SAMD13: variants seen among roughly 807,000 people sequenced by gnomAD.
SAMD13 encodes the protein sterile alpha motif domain containing 13.
A neutral mutation model predicts 12.4 loss-of-function variants in SAMD13; 9 were observed. The observed-to-expected ratio is 0.72, with a 90% CI of 0.44 to 1.26. The LOEUF (loss-of-function observed/expected upper bound fraction) is 1.26, where lower values mean the gene tolerates loss of function less well. SAMD13 is among the 50% of genes most tolerant of loss of function. SAMD13 has a pLI of 0.00. For missense variants in SAMD13, 84 were observed against 119.6 expected (o/e 0.70, Z 1.39); for synonymous variants, 46 against 45.4 (o/e 1.01, Z -0.05).
intron 3 of SAMD13, among the ~76,000 whole-genome samples, chr1:84,332,061 T>A (rs1158212313): frequency 6.6e-6 from 1 of 152,168 alleles, no homozygotes; most frequent in East Asian, 1.9e-4. Flanking sequence ...CAGGACATGA[T>A]CTTATTCTTT....
At chr1:84,299,673 A>ATTTATT (rs1553199283), upstream of SAMD13, 5 of 900,570 alleles carry the variant, frequency 5.6e-6, no homozygotes, top group South Asian at 4.1e-5. Context: ...ATATATATAT[A>ATTTATT]TATTTATTTA....
intron 2 of SAMD13, among the ~76,000 whole-genome samples, chr1:84,310,826 A>G (rs1489863599): frequency 6.6e-6 from 1 of 152,192 alleles, no homozygotes; most frequent in Non-Finnish European, 1.5e-5. Flanking sequence ...CAATTTCAAT[A>G]AATCTGCAAA....
intron 3 of SAMD13, among the ~76,000 whole-genome samples, chr1:84,342,466 G>C (rs1679447500): frequency 6.6e-6 from 1 of 151,992 alleles, no homozygotes; most frequent in Non-Finnish European, 1.5e-5. Context: ...ATACTGTAAG[G>C]CCACAGTAAC....
chr1:84,315,347 T>G lies in SAMD13; in HGVS notation c.54-10290T>G, dbSNP rs555966070. ...AGTGGAATCATGCAATATTTGTCCTTCTTTGACTTGGTTATTTCACTTAGC... is the reference window on the plus strand; with the variant it reads ...AGTGGAATCATGCAATATTTGTCCTGCTTTGACTTGGTTATTTCACTTAGC... On this transcript the variant is annotated intron_variant, in intron 2 of 3. Transcript: ENST00000394834. Among the ~76,000 whole-genome samples, 9 of 152,328 alleles carry G rather than the reference T, an allele frequency of 5.9e-5. No homozygotes were observed. The South Asian group carries it at 1.9e-3, about 32-fold the overall frequency.
chr1:84,341,443 T>A (rs1047004602), intron 3 of SAMD13, among the ~76,000 whole-genome samples: 1 of 152,098 alleles, frequency 6.6e-6, no homozygotes, highest in Admixed American at 6.6e-5. Flanking sequence ...CCAGCTGAGA[T>A]TGGTACACTG....
intron 3 of SAMD13, among the ~76,000 whole-genome samples, chr1:84,333,842 T>C (rs1334840846): frequency 6.6e-6 from 1 of 152,134 alleles, no homozygotes; most frequent in Non-Finnish European, 1.5e-5. Context: ...TCCGTTTATG[T>C]GATGAATCAC....
At chr1:84,301,391 C>G (rs1254199790), upstream of SAMD13, among the ~76,000 whole-genome samples, 1 of 152,182 alleles carries the variant, frequency 6.6e-6, no homozygotes, top group Non-Finnish European at 1.5e-5. Context: ...CATTCATGCT[C>G]AGAACAACAG....
intron 2 of SAMD13, among the ~76,000 whole-genome samples, chr1:84,316,781 T>A (rs1176866191): frequency 6.6e-6 from 1 of 152,150 alleles, no homozygotes; most frequent in Non-Finnish European, 1.5e-5. Context: ...GGGATTGCAT[T>A]GAATCTGTGG....
At chr1:84,300,820 A>C (rs1235202107), upstream of SAMD13, among the ~76,000 whole-genome samples, 2 of 152,142 alleles carry the variant, frequency 1.3e-5, no homozygotes, top group Non-Finnish European at 2.9e-5. Flanking sequence ...CAGTTTTCTG[A>C]TTTGGTATTT....
rs1679436241 is a variant in SAMD13, at chr1:84,341,949, A to G, written c.166-7682A>G. Among the ~76,000 whole-genome samples, 3 of 152,218 alleles carry G rather than the reference A, an allele frequency of 2.0e-5. No individual in the cohort carries two copies. The South Asian group carries it at 6.2e-4, about 31-fold the overall frequency. On this transcript the variant is annotated intron_variant, in intron 3 of 3. Transcript: ENST00000394834. ...TATTTCTTGCTCATACAGATAGTCC[A>G]AGGTAGCTGGTGGGGATTTTCTGCT...
chr1:84,346,761 TAATC>T (rs1470268651), intron 3 of SAMD13, among the ~76,000 whole-genome samples: 1 of 152,198 alleles, frequency 6.6e-6, no homozygotes, highest in African/African-American at 2.4e-5. Context: ...TTAGCTTTCT[TAATC>T]AAGGAACTTT....
intron 3 of SAMD13, among the ~76,000 whole-genome samples, chr1:84,346,377 G>T (rs1375212182): frequency 1.3e-5 from 2 of 152,112 alleles, no homozygotes; most frequent in Non-Finnish European, 2.9e-5. Flanking sequence ...ATTGTTTATT[G>T]CCCAACGGGA....
chr1:84,322,925 A>G (rs1424980405), intron 2 of SAMD13, among the ~76,000 whole-genome samples: 2 of 152,158 alleles, frequency 1.3e-5, no homozygotes, highest in South Asian at 2.1e-4. Context: ...TAAAATTACA[A>G]TGTAGCTTAT....
chr1:84,311,860 A>G lies in SAMD13; in HGVS notation c.53+8573A>G, dbSNP rs190229098. Among the ~76,000 whole-genome samples the G allele has an allele frequency of 4.6e-5, 7 of 152,306 alleles. No homozygotes were observed. In the East Asian group the frequency reaches 1.3e-3, roughly 29 times the overall value. ...ATTTAGTTTTTCAAATTGTAAATAGACATTTCTTTATGAATTAGGAAGTCT... is the reference window on the plus strand; with the variant it reads ...ATTTAGTTTTTCAAATTGTAAATAGGCATTTCTTTATGAATTAGGAAGTCT... On this transcript the variant is annotated intron_variant, in intron 2 of 3. Coordinates refer to ENST00000394834, the MANE Select transcript of SAMD13 (RefSeq NM_001134663.2).
At chr1:84,302,965 C>A in intron 1 of SAMD13, 1 of 351,948 alleles carries the variant, frequency 2.8e-6, no homozygotes, top group Non-Finnish European at 5.3e-6. Flanking sequence ...ATTTCATTTG[C>A]AAATGCTTAT....
intron 2 of SAMD13, among the ~76,000 whole-genome samples, chr1:84,315,314 C>T (rs540075924): frequency 1.3e-5 from 2 of 152,142 alleles, no homozygotes; most frequent in South Asian, 4.1e-4. Flanking sequence ...TTTTAGATAC[C>T]TCATATAAGT....
intron 3 of SAMD13, among the ~76,000 whole-genome samples, chr1:84,332,062 C>T (rs1361578796): frequency 2.6e-5 from 4 of 152,124 alleles, no homozygotes; most frequent in African/African-American, 9.7e-5. Flanking sequence ...AGGACATGAT[C>T]TTATTCTTTT....
chr1:84,319,624 GAAAAA>G (rs57599932), intron 2 of SAMD13, among the ~76,000 whole-genome samples: 2 of 77,750 alleles, frequency 2.6e-5, no homozygotes, highest in Non-Finnish European at 6.6e-5. Flanking sequence ...GACAGGAAAA[GAAAAA>G]AAAAAAAAAA....
chr1:84,325,611 C>G lies in SAMD13; in HGVS notation c.54-26C>G, dbSNP rs776614811. 66 of 1,410,036 alleles carry G rather than the reference C, an allele frequency of 4.7e-5. No homozygotes were observed. The East Asian group carries it at 1.5e-3, about 31-fold the overall frequency. 87.3% of individuals were successfully genotyped at this position (1,410,036 alleles called of 1,614,324 possible). On this transcript the variant is annotated intron_variant, in intron 2 of 3. Coordinates refer to ENST00000394834, the MANE Select transcript of SAMD13 (RefSeq NM_001134663.2). ...CACCCTTGTGCAGGCACTGCCATGA[C>G]AACTGTCTGGATTTGTGTTTTGCAG...
Sources: gnomAD v4.1 joint callset for allele counts (sites outside exome capture counted in the v4.1 genomes callset) on GRCh38, gnomAD v4.1.1 for gene constraint, MANE v1.5 for transcripts, NCBI Gene and HGNC (gene_info 2026-07-23, HGNC 2026-07-21) for gene names.